Variants in HRH1 observed in about 807,000 individuals in gnomAD.
The protein encoded by HRH1 is histamine receptor H1, also known as histamine H1 receptor.
Under a neutral mutation model 10.3 loss-of-function variants are expected in HRH1, and 6 were observed. The observed-to-expected ratio is 0.58, with a 90% CI of 0.32 to 1.15. The LOEUF (loss-of-function observed/expected upper bound fraction) is 1.15. Among genes scored for constraint, HRH1 ranks in the 50% most tolerant of loss-of-function variants. The probability of loss-of-function intolerance (pLI) is 0.05; values close to 1 mark genes in which losing one functional copy is unlikely to be tolerated. For missense variants in HRH1, 514 were observed against 615.3 expected, an observed-to-expected ratio of 0.84 and a Z score of 1.74; for synonymous variants, 242 against 236.7, an observed-to-expected ratio of 1.02 and a Z score of -0.21.
upstream of HRH1, among the ~76,000 whole-genome samples, chr3:11,154,215 C>A (rs186109321): frequency 2.6e-3 from 397 of 152,282 alleles, 3 homozygotes; most frequent in Admixed American, 0.021. This position sits in a 1 kb window ranked among gnomAD's most constrained non-coding sequence, Gnocchi z 4.4. Context: ...AAGGAGCAGT[C>A]CGCCTCGCAG....
intron 1 of HRH1, among the ~76,000 whole-genome samples, chr3:11,176,922 G>A (rs563006524): frequency 4.6e-5 from 7 of 152,052 alleles, no homozygotes; most frequent in East Asian, 3.9e-4. Flanking sequence ...ATGAAACTCC[G>A]TCTCTATGAA....
chr3:11,182,120 T>G (rs1937367269), intron 1 of HRH1, among the ~76,000 whole-genome samples: 1 of 151,938 alleles, frequency 6.6e-6, no homozygotes, highest in South Asian at 2.1e-4. Flanking sequence ...GTAGCTGGGA[T>G]TACAGGTGCC....
chr3:11,228,970 A>C (rs976794298), intron 1 of HRH1, among the ~76,000 whole-genome samples: 1 of 152,040 alleles, frequency 6.6e-6, no homozygotes, highest in African/African-American at 2.4e-5. Context: ...TGGAAACAAT[A>C]CTGTGGGAAC....
chr3:11,185,739 A>G (rs1419360908), intron 1 of HRH1, among the ~76,000 whole-genome samples: 1 of 152,200 alleles, frequency 6.6e-6, no homozygotes, highest in Non-Finnish European at 1.5e-5. Flanking sequence ...ACACAGGCCA[A>G]TAGTGGTGAT....
chr3:11,235,445 C>G (rs760435522), intron 1 of HRH1, among the ~76,000 whole-genome samples: 3 of 152,170 alleles, frequency 2.0e-5, no homozygotes, highest in Non-Finnish European at 2.9e-5. Context: ...CTCCCCACTT[C>G]GCTTCTCTTG....
At chr3:11,166,701 C>T (rs968457741) in intron 1 of HRH1, among the ~76,000 whole-genome samples, 1 of 149,486 alleles carries the variant, frequency 6.7e-6, no homozygotes, top group African/African-American at 2.5e-5. Context: ...TCTGCTGTCC[C>T]CTAGATTCTC....
At chr3:11,167,355 T>C (rs1438078769) in intron 1 of HRH1, among the ~76,000 whole-genome samples, 33 of 83,832 alleles carry the variant, frequency 3.9e-4, no homozygotes, top group African/African-American at 1.5e-3. Flanking sequence ...CCCTGGCCTC[T>C]CCAGGCCCGT....
At chr3:11,217,341 C>T (rs1368980232) in intron 1 of HRH1, among the ~76,000 whole-genome samples, 5 of 151,852 alleles carry the variant, frequency 3.3e-5, no homozygotes, top group African/African-American at 1.2e-4. Context: ...ACCAGCCTGG[C>T]CAACATAGTG....
chr3:11,197,136 A>AAG (rs1276181025), intron 1 of HRH1, among the ~76,000 whole-genome samples: 1 of 151,650 alleles, frequency 6.6e-6, no homozygotes, highest in Non-Finnish European at 1.5e-5. Flanking sequence ...AAAAAAAAAA[A>AAG]AAAAGCAGAA....
At chr3:11,181,458 C>T (rs1937350996) in intron 1 of HRH1, among the ~76,000 whole-genome samples, 1 of 152,164 alleles carries the variant, frequency 6.6e-6, no homozygotes, top group East Asian at 1.9e-4. Context: ...CACATCTTTG[C>T]CAACATTTGT....
chr3:11,175,065 A>G (rs1937224308), intron 1 of HRH1, among the ~76,000 whole-genome samples: 1 of 152,188 alleles, frequency 6.6e-6, no homozygotes, highest in African/African-American at 2.4e-5. Flanking sequence ...GCTAGGATAC[A>G]GTAGACAGGA....
At chr3:11,256,359 A>G (rs567544399) in intron 1 of HRH1, among the ~76,000 whole-genome samples, 38 of 152,320 alleles carry the variant, frequency 2.5e-4, no homozygotes, top group Non-Finnish European at 8.8e-5. Flanking sequence ...GGAGGCCAAG[A>G]GATCACTGAG....
intron 1 of HRH1, among the ~76,000 whole-genome samples, chr3:11,241,835 CAA>C (rs766585585): frequency 3.5e-5 from 4 of 113,832 alleles, no homozygotes; most frequent in South Asian, 2.8e-4. Flanking sequence ...GACTCCGTTT[CAA>C]AAAAAAAAAA....
intron 1 of HRH1, among the ~76,000 whole-genome samples, chr3:11,159,185 T>A (rs1322412578): frequency 1.3e-5 from 2 of 152,266 alleles, no homozygotes; most frequent in Admixed American, 1.3e-4. Context: ...GAGGCAGAGG[T>A]TGCAGTGAGC....
At chr3:11,176,033 C>G (rs1264738125) in intron 1 of HRH1, among the ~76,000 whole-genome samples, 1 of 151,882 alleles carries the variant, frequency 6.6e-6, no homozygotes, top group Non-Finnish European at 1.5e-5. Flanking sequence ...ATTAGCCAGG[C>G]ATGGTGGTAC....
At chr3:11,187,877 A>G (rs763810416) in intron 1 of HRH1, among the ~76,000 whole-genome samples, 4 of 152,228 alleles carry the variant, frequency 2.6e-5, no homozygotes, top group Non-Finnish European at 5.9e-5. Context: ...TGGTTGCATA[A>G]GGTTACATCA....
intron 1 of HRH1, among the ~76,000 whole-genome samples, chr3:11,198,903 TACACAC>T (rs59431924): frequency 0.011 from 1,101 of 103,180 alleles, 13 homozygotes; most frequent in African/African-American, 0.037. Flanking sequence ...TCTCTCTTTA[TACACAC>T]ACACACACAC....
intron 1 of HRH1, among the ~76,000 whole-genome samples, chr3:11,194,918 G>A (rs531451434): frequency 6.6e-6 from 1 of 151,990 alleles, no homozygotes; most frequent in Admixed American, 6.5e-5. Context: ...TTTCTAATAC[G>A]CCTTAAAATT....
intron 1 of HRH1, among the ~76,000 whole-genome samples, chr3:11,206,496 C>T (rs1938133136): frequency 6.6e-6 from 1 of 152,272 alleles, no homozygotes; most frequent in African/African-American, 2.4e-5. Flanking sequence ...TTCACTGGCC[C>T]TCCACTTCAG....
Sources: allele counts gnomAD v4.1 joint callset (sites outside exome capture counted in the v4.1 genomes callset), GRCh38; gene constraint gnomAD v4.1.1; non-coding constraint Gnocchi (gnomAD v3.1); transcripts MANE v1.5; gene names NCBI Gene and HGNC (gene_info 2026-07-23, HGNC 2026-07-21).